Variants in NRG3 observed in about 807,000 individuals in gnomAD.
NRG3 encodes the protein neuregulin 3.
In NRG3, 31 loss-of-function variants were observed where a neutral mutation model predicts 66.9. That is an observed-to-expected ratio of 0.46 (90% CI 0.35 to 0.63). The LOEUF (loss-of-function observed/expected upper bound fraction) is 0.63, where lower values mean the gene tolerates loss of function less well. Ranked by LOEUF, NRG3 falls within the 20% of genes least tolerant of loss-of-function variation. NRG3 has a pLI of 0.00. For missense variants in NRG3, 910 were observed against 878.9 expected, an observed-to-expected ratio of 1.04 and a Z score of -0.45; for synonymous variants, 393 against 359.4, an observed-to-expected ratio of 1.09 and a Z score of -1.06.
At chr10:82,803,575 T>G (rs1334300132) in intron 3 of NRG3, among the ~76,000 whole-genome samples, 1 of 132,588 alleles carries the variant, frequency 7.5e-6, no homozygotes, top group Non-Finnish European at 1.6e-5. Flanking sequence ...CATTCATTCA[T>G]TTTTTTGACT....
chr10:82,088,992 AT>A lies in NRG3; in HGVS notation c.823+212840del, dbSNP rs397846769. The stretch of plus-strand genomic sequence containing the variant: ...CTCAACTTAAAAACCAGCAGAGAAG[AT>A]TTTTTTTTTTGTAAAGAATCAACAA... On this transcript the variant is annotated intron_variant, in intron 1 of 8. Coordinates refer to ENST00000372141, the MANE Select transcript of NRG3 (RefSeq NM_001010848.4). Among the ~76,000 whole-genome samples the A allele has an allele frequency of 4.9e-4, 72 of 148,062 alleles. 1 individual carries two copies. Among genetic ancestry groups the A allele is most frequent in the African/African-American group, 7.4e-4 (30 of 40,560 alleles).
chr10:82,579,116 G>A (rs2046204887), intron 2 of NRG3, among the ~76,000 whole-genome samples: 1 of 151,536 alleles, frequency 6.6e-6, no homozygotes, highest in Admixed American at 6.6e-5. Context: ...AGGCAAAAAG[G>A]GTAATTGTAG....
rs191140740 is a variant in NRG3, at chr10:82,513,726, G to T, written c.953+154858G>T. Reference sequence around the variant, plus strand: ...ACCCAGAAGGTGGAGGTTGCAGTGGGCCGAAATTGAGCCACTGCACTCCAG... The same window carrying T: ...ACCCAGAAGGTGGAGGTTGCAGTGGTCCGAAATTGAGCCACTGCACTCCAG... On this transcript the variant is annotated intron_variant, in intron 2 of 8. Transcript: ENST00000372141. Among the ~76,000 whole-genome samples the T allele has an allele frequency of 5.5e-4, 83 of 152,246 alleles. 2 individuals are homozygous for T. The East Asian group carries it at 0.014, about 26-fold the overall frequency.
At chr10:82,601,781 G>A (rs780699999) in intron 2 of NRG3, among the ~76,000 whole-genome samples, 35 of 148,314 alleles carry the variant, frequency 2.4e-4, no homozygotes, top group East Asian at 4.0e-4. Context: ...AGGTCGAGGC[G>A]GAAGGATCAC....
rs566869963 is a variant in NRG3 at position 82,637,142 on chromosome 10, A to G, written c.954-101435A>G. Among the ~76,000 whole-genome samples the G allele has an allele frequency of 2.0e-5, 3 of 152,294 alleles. No individual in the cohort carries two copies. In the South Asian group the frequency reaches 6.2e-4, roughly 32 times the overall value. ...AGTAACTGTTATACTGTATATGTGT[A>G]GCTGAAAACAGCATATATTATGCCT... is the stretch of plus-strand genomic sequence containing the variant. On this transcript the variant is annotated intron_variant, in intron 2 of 8. Transcript: ENST00000372141.
intron 1 of NRG3, among the ~76,000 whole-genome samples, chr10:82,319,587 A>G (rs1224308175): frequency 2.6e-5 from 4 of 152,170 alleles, no homozygotes; most frequent in African/African-American, 7.2e-5. Flanking sequence ...CATGGGCTCC[A>G]TATTTAATAG....
intron 2 of NRG3, among the ~76,000 whole-genome samples, chr10:82,454,867 G>A (rs2091199433): frequency 6.6e-6 from 1 of 152,186 alleles, no homozygotes; most frequent in African/African-American, 2.4e-5. Context: ...AAACTAAATT[G>A]AGAGGCAAAT....
intron 2 of NRG3, among the ~76,000 whole-genome samples, chr10:82,487,087 TA>T (rs1412390349): frequency 6.7e-6 from 1 of 148,394 alleles, no homozygotes; most frequent in South Asian, 2.1e-4. Context: ...TATAATACAC[TA>T]TATATATCTA....
intron 1 of NRG3, among the ~76,000 whole-genome samples, chr10:82,042,006 G>A (rs2063064974): frequency 6.6e-6 from 1 of 151,988 alleles, no homozygotes. Context: ...CCTAGGGCCT[G>A]AACCCAGATT....
At chr10:82,647,436 G>C (rs190213220) in intron 2 of NRG3, among the ~76,000 whole-genome samples, 2 of 152,206 alleles carry the variant, frequency 1.3e-5, no homozygotes, top group East Asian at 3.9e-4. Context: ...CCAAGTCTTT[G>C]CTATTGTGAA....
At chr10:82,102,146 A>ATG (rs1034874760) in intron 1 of NRG3, among the ~76,000 whole-genome samples, 1 of 84,170 alleles carries the variant, frequency 1.2e-5, no homozygotes, top group African/African-American at 4.9e-5. Context: ...ATATATATAT[A>ATG]TATATATATA....
In NRG3 at chr10:82,607,908, T is replaced by C. The variant is rs534700922; in HGVS notation, c.954-130669T>C. 3.3e-5 allele frequency among the ~76,000 whole-genome samples: 5 copies of C among 152,312 alleles called. No homozygotes were observed. The East Asian group carries it at 9.6e-4, about 29-fold the overall frequency. ...TCTAGCCCTTATAACATTATGTTCA[T>C]TCATTTCACTTTTCCATGAGTTACA... On this transcript the variant is annotated intron_variant, in intron 2 of 8. Transcript: ENST00000372141.
chr10:82,724,957 CT>C (rs909051046), intron 2 of NRG3, among the ~76,000 whole-genome samples: 16 of 152,202 alleles, frequency 1.1e-4, no homozygotes, highest in African/African-American at 3.9e-4. Context: ...AGGCTGGCCT[CT>C]TTGATCTCTT....
chr10:82,367,271 TA>T lies in NRG3; in HGVS notation c.953+8407del, dbSNP rs568837528. ...ATATGTGAATGTCAATTGGAAGTTG[TA>T]AAATGCCATATAAATGCAAGATATT... On this transcript the variant is annotated intron_variant, in intron 2 of 8. Transcript: ENST00000372141. Among the ~76,000 whole-genome samples, 3 of 152,308 alleles carry T rather than the reference TA, an allele frequency of 2.0e-5. No homozygotes were observed. The East Asian group carries it at 5.8e-4, about 29-fold the overall frequency.
intron 2 of NRG3, among the ~76,000 whole-genome samples, chr10:82,459,459 ATAT>A (rs2091417652): frequency 6.6e-6 from 1 of 152,210 alleles, no homozygotes; most frequent in Admixed American, 6.5e-5. Flanking sequence ...TGCATGTTAA[ATAT>A]TATTTCAGAC....
chr10:82,919,427 A>G (rs2132050291), intron 4 of NRG3, among the ~76,000 whole-genome samples: 1 of 152,308 alleles, frequency 6.6e-6, no homozygotes, highest in South Asian at 2.1e-4. Flanking sequence ...GCAACCAGCG[A>G]TTATAGGGAA....
chr10:82,576,707 C>T (rs1227129976), intron 2 of NRG3, among the ~76,000 whole-genome samples: 1 of 151,748 alleles, frequency 6.6e-6, no homozygotes, highest in East Asian at 1.9e-4. Flanking sequence ...CACTTCTTTA[C>T]TGTAATTGCT....
chr10:82,911,201 C>T (rs895207987), intron 4 of NRG3, among the ~76,000 whole-genome samples: 4 of 151,948 alleles, frequency 2.6e-5, no homozygotes, highest in Admixed American at 2.6e-4. Context: ...TTTTTGAGTA[C>T]GTCTAAAGAA....
chr10:82,051,450 A>G (rs1229741989), intron 1 of NRG3, among the ~76,000 whole-genome samples: 1 of 152,050 alleles, frequency 6.6e-6, no homozygotes, highest in Non-Finnish European at 1.5e-5. Flanking sequence ...CACTGCTCCT[A>G]CCTGAAACCC....
Sources: gnomAD v4.1 joint callset for allele counts (sites outside exome capture counted in the v4.1 genomes callset) on GRCh38, gnomAD v4.1.1 for gene constraint, MANE v1.5 for transcripts, NCBI Gene and HGNC (gene_info 2026-07-23, HGNC 2026-07-21) for gene names.